The following HNRNPU variants were observed in gnomAD, a reference collection of about 807,000 sequenced individuals.
HNRNPU encodes the protein HNRNPU antisense RNA 1.
HNRNPU carries 5 observed loss-of-function variants against 94.7 expected under a neutral mutation model. The observed-to-expected ratio is 0.05, with a 90% CI of 0.03 to 0.11. The LOEUF is 0.11. HNRNPU is among the 10% of genes least tolerant of loss of function. The pLI, the probability that HNRNPU is intolerant of heterozygous loss-of-function variation, is 1.00. For missense variants in HNRNPU, 710 were observed against 1,049.2 expected (o/e 0.68, Z 4.47); for synonymous variants, 434 against 381.6 (o/e 1.14, Z -1.60).
Position 244,862,733 on chromosome 1 carries a change from A to C in HNRNPU, c.692-3T>G, listed in dbSNP as rs760130988. ...TTTCTGTTCTGTTTTGCCGTCCCCT[A>C]AAACACACACGAGCCCCATAAAGGC... is the stretch of plus-strand genomic sequence containing the variant. On this transcript the variant is annotated splice_polypyrimidine_tract_variant and splice_region_variant and intron_variant, in intron 1 of 13. Transcript: ENST00000640218. The C allele has an allele frequency of 6.2e-7, 1 of 1,609,824 alleles. No individual in the cohort carries two copies.
Position 244,859,388 on chromosome 1 carries a change from C to A in HNRNPU, c.1018-14G>T. 8.0e-7 allele frequency: 1 copy of A among 1,248,952 alleles called. No homozygotes were observed. The highest frequency in any genetic ancestry group is 1.2e-6 in the Non-Finnish European group (1 of 850,236). 77.4% of individuals were successfully genotyped at this position (1,248,952 alleles called of 1,614,324 possible). A position where few individuals can be genotyped will look rare whatever the true frequency, so the allele number is the denominator to read the frequency against. On this transcript the variant is annotated splice_polypyrimidine_tract_variant and intron_variant, in intron 4 of 13. Transcript: ENST00000640218. ...CTTCTCTGTAACCTGAAAGTCAAATCATTAAATAATTAAAATAATACACCA... is the reference window on the plus strand; with the variant it reads ...CTTCTCTGTAACCTGAAAGTCAAATAATTAAATAATTAAAATAATACACCA...
chr1:244,859,252 C>A, intron 5 of HNRNPU, 23 bp downstream of exon 5: 1 of 1,221,256 alleles, frequency 8.2e-7, no homozygotes, highest in South Asian at 1.2e-5. Context: ...CATGAGCCCA[C>A]ATCAGTCAAA....
At chr1:244,858,483 G>A in intron 6 of HNRNPU, 2 of 610,018 alleles carry the variant, frequency 3.3e-6, no homozygotes, top group South Asian at 4.2e-5. Context: ...TACTGACCTA[G>A]AAGCTAGACT....
rs779983935 is a variant in HNRNPU at position 244,862,545 on chromosome 1, G to C, written c.804-11C>G. 1 of 1,612,884 alleles carries C rather than the reference G, an allele frequency of 6.2e-7. No individual in the cohort carries two copies. ...TGAGGAGATTTGGCTCTGAAAGACA[G>C]AATTGTCTCCTGATACAGCTTTCCG... is the stretch of plus-strand genomic sequence containing the variant. On this transcript the variant is annotated splice_polypyrimidine_tract_variant and intron_variant, in intron 2 of 13. Coordinates refer to ENST00000640218, the MANE Select transcript of HNRNPU (RefSeq NM_031844.3).
rs1364614921 is a variant in HNRNPU, at chr1:244,864,184, G to A, written c.124C>T (p.Leu42=). The change falls in exon 1 of 14, where the codon CTG becomes TTG. Residue 42 remains leucine (L), a synonymous_variant. Transcript: ENST00000640218. ...AELMERLQAA[L]DDEEAGGRPA... is the part of the protein sequence containing the mutation. ...CGGCCCCCGGCCTCCTCGTCGTCCAGCGCAGCCTGGAGTCGCTCCATGAGC... is the reference window on the plus strand; with the variant it reads ...CGGCCCCCGGCCTCCTCGTCGTCCAACGCAGCCTGGAGTCGCTCCATGAGC... 6.2e-7 allele frequency: 1 copy of A among 1,608,766 alleles called. No individual in the cohort carries two copies. The highest frequency in any genetic ancestry group is 2.2e-5 in the East Asian group (1 of 44,708).
At chr1:244,859,099 AG>A (rs1680757595) in intron 5 of HNRNPU, 175 bp downstream of exon 5, 1 of 580,154 alleles carries the variant, frequency 1.7e-6, no homozygotes, top group East Asian at 2.9e-5. Context: ...CTTCTAATAA[AG>A]GAACAAAAAC....
intron 1 of HNRNPU, 135 bp downstream of exon 1, chr1:244,863,482 G>A (rs1204535813): frequency 9.6e-7 from 1 of 1,037,660 alleles, no homozygotes; most frequent in Non-Finnish European, 1.2e-6. Flanking sequence ...GATTCCCCGC[G>A]CCCCCTCCCC....
intron 1 of HNRNPU, 136 bp from the exon 2 acceptor site, chr1:244,862,866 C>G (rs1009127618): frequency 1.4e-6 from 1 of 701,246 alleles, no homozygotes; most frequent in Non-Finnish European, 2.6e-6. Context: ...AATGTGAATT[C>G]AAAGAACAAT....
chr1:244,861,340 T>TA (rs1037310353), intron 3 of HNRNPU: 2 of 152,276 alleles, frequency 1.3e-5, no homozygotes, highest in Admixed American at 1.3e-4. Context: ...CCTGATTTGC[T>TA]AAAAAATCTA....
intron 4 of HNRNPU, 68 bp downstream of exon 4, chr1:244,860,267 A>T: frequency 6.9e-7 from 1 of 1,439,606 alleles, no homozygotes; most frequent in East Asian, 2.3e-5. Flanking sequence ...CACCACGGCA[A>T]TCCAGCCTAG....
intron 4 of HNRNPU, 77 bp from the exon 5 acceptor site, chr1:244,859,451 C>T (rs943951799): frequency 1.3e-5 from 9 of 711,392 alleles, no homozygotes; most frequent in Admixed American, 4.2e-5. Flanking sequence ...TTTCATTGCG[C>T]CACGGGCTAA....
At chr1:244,862,963 GA>G in intron 1 of HNRNPU, 1 of 567,854 alleles carries the variant, frequency 1.8e-6, no homozygotes, top group Non-Finnish European at 3.1e-6. Context: ...GAAAGCCAAA[GA>G]AAAACTGCGC....
At chr1:244,855,134 T>G in intron 12 of HNRNPU, 90 bp from the exon 13 acceptor site, 1 of 995,392 alleles carries the variant, frequency 1.0e-6, no homozygotes, top group Non-Finnish European at 1.6e-6. Flanking sequence ...ATGGACAGGT[T>G]GCTAGCCCCT....
chr1:244,860,085 A>G, intron 4 of HNRNPU: 1 of 377,112 alleles, frequency 2.7e-6, no homozygotes. Flanking sequence ...GGATCACCTG[A>G]GGTCAAGAGT....
intron 3 of HNRNPU, chr1:244,861,394 A>G (rs1056345907): frequency 6.6e-6 from 1 of 152,304 alleles, no homozygotes; most frequent in Non-Finnish European, 1.5e-5. Context: ...CTACCTTGCC[A>G]ATTCCTAGCA....
intron 12 of HNRNPU, 147 bp from the exon 13 acceptor site, chr1:244,855,191 G>T: frequency 1.4e-6 from 1 of 721,268 alleles, no homozygotes; most frequent in Non-Finnish European, 2.4e-6. Flanking sequence ...CCCTCTGCTG[G>T]TTTCTTATGT....
intron 4 of HNRNPU, 62 bp from the exon 5 acceptor site, chr1:244,859,436 G>A (rs760288364): frequency 2.3e-5 from 19 of 816,798 alleles, no homozygotes; most frequent in South Asian, 1.3e-4. Flanking sequence ...CTTAACTCTC[G>A]CATATTTCAT....
rs1680800818 is a variant in HNRNPU, at chr1:244,860,594, C to T, written c.878-120G>A. 7.9e-5 allele frequency: 56 copies of T among 709,522 alleles called. No homozygotes were observed. The South Asian group carries it at 1.0e-3, about 13-fold the overall frequency. 44.0% of individuals were successfully genotyped at this position (709,522 alleles called of 1,614,324 possible). A position where few individuals can be genotyped will look rare whatever the true frequency, so the allele number is the denominator to read the frequency against. On this transcript the variant is annotated intron_variant, in intron 3 of 13. Coordinates refer to ENST00000640218, the MANE Select transcript of HNRNPU (RefSeq NM_031844.3). ...TTCTTAATGCTGCACAACTTTTCTCCACATCATGCTGTTGTTCCAATTTTC... is the reference window on the plus strand; with the variant it reads ...TTCTTAATGCTGCACAACTTTTCTCTACATCATGCTGTTGTTCCAATTTTC...
At position 244,859,576 on chromosome 1, in the gene HNRNPU, G is replaced by A. The variant is rs180946252; in HGVS notation, c.1018-202C>T. 1.6e-3 allele frequency: 598 copies of A among 383,104 alleles called. 2 individuals are homozygous for A. The highest frequency in any genetic ancestry group is 0.015 in the Middle Eastern group (22 of 1,456). The allele number at this position is 383,104 out of a possible 1,614,324, so 23.7% of individuals were successfully genotyped here. A position where few individuals can be genotyped will look rare whatever the true frequency, so the allele number is the denominator to read the frequency against. ...AATTTAAAGAGTTAAATACTTATTTGACCCATATTTAAAAGAATACTTAAT... is the reference window on the plus strand; with the variant it reads ...AATTTAAAGAGTTAAATACTTATTTAACCCATATTTAAAAGAATACTTAAT... On this transcript the variant is annotated intron_variant, in intron 4 of 13. Transcript: ENST00000640218.
Sources: gnomAD v4.1 joint callset for allele counts on GRCh38, gnomAD v4.1.1 for gene constraint, MANE v1.5 for transcripts, NCBI Gene and HGNC (gene_info 2026-07-23, HGNC 2026-07-21) for gene names.